BLTP2: variants seen among roughly 807,000 people sequenced by gnomAD.
BLTP2 encodes the protein U937-associated antigen.
chr17:28,638,938 A>G, the BLTP2 span: 1 of 427,078 alleles, frequency 2.3e-6, no homozygotes, highest in Non-Finnish European at 4.2e-6. Context: ...ATAACCAAGA[A>G]GCATCACTTC....
chr17:28,637,081 C>T, the BLTP2 span: 1 of 1,614,146 alleles, frequency 6.2e-7, no homozygotes, highest in South Asian at 1.1e-5. Context: ...ACTGATTTCA[C>T]CAGCGCTAAC....
At chr17:28,645,140 C>A in the BLTP2 span, 2 of 1,130,726 alleles carry the variant, frequency 1.8e-6, no homozygotes, top group South Asian at 2.4e-5. Context: ...CGCCGCGGGC[C>A]GACCAGCTGC....
the BLTP2 span, chr17:28,634,422 T>G: frequency 1.6e-6 from 2 of 1,240,596 alleles, no homozygotes; most frequent in Non-Finnish European, 2.3e-6. Context: ...AACGGCACAG[T>G]TCCCAATATA....
the BLTP2 span, chr17:28,617,212 A>C: frequency 8.7e-6 from 14 of 1,602,516 alleles, no homozygotes; most frequent in African/African-American, 8.0e-5. Flanking sequence ...ATGGACTAGG[A>C]AAGGGGAAAA....
At chr17:28,623,878 CA>C in the BLTP2 span, 3 of 1,613,922 alleles carry the variant, frequency 1.9e-6, no homozygotes, top group Non-Finnish European at 2.5e-6. Context: ...ATCACCATAC[CA>C]GGCTGGATGG....
the BLTP2 span, chr17:28,639,169 G>T: frequency 1.3e-6 from 1 of 787,248 alleles, no homozygotes; most frequent in East Asian, 2.4e-5. Flanking sequence ...TAATGGGAAA[G>T]ATATATAAAA....
the BLTP2 span, among the ~76,000 whole-genome samples, chr17:28,630,282 G>A: frequency 2.0e-5 from 3 of 151,562 alleles, no homozygotes; most frequent in African/African-American, 4.9e-5. Context: ...TCAGCCTCCC[G>A]AGTAGCTGGG....
chr17:28,641,242 G>A, the BLTP2 span, among the ~76,000 whole-genome samples: 8 of 152,074 alleles, frequency 5.3e-5, no homozygotes, highest in East Asian at 3.9e-4. Flanking sequence ...TTGTGGATGC[G>A]GAACACACAG....
chr17:28,641,256 T>C, the BLTP2 span, among the ~76,000 whole-genome samples: 3 of 152,158 alleles, frequency 2.0e-5, no homozygotes, highest in Admixed American at 6.5e-5. Flanking sequence ...CACACAGATA[T>C]GGAGAGCCAA....
the BLTP2 span, chr17:28,617,332 T>C: frequency 1.9e-6 from 3 of 1,601,800 alleles, no homozygotes; most frequent in Non-Finnish European, 1.7e-6. Flanking sequence ...TAAAGACAGA[T>C]TTTGCCCCAT....
chr17:28,635,613 T>TA, the BLTP2 span: 1 of 1,602,736 alleles, frequency 6.2e-7, no homozygotes, highest in Admixed American at 1.7e-5. Flanking sequence ...ACTGAACCTT[T>TA]AGGGAGCAGA....
the BLTP2 span, chr17:28,637,895 A>G: frequency 6.2e-7 from 1 of 1,614,194 alleles, no homozygotes; most frequent in South Asian, 1.1e-5. Context: ...CACCTTCCAC[A>G]GTAATGACAC....
the BLTP2 span, chr17:28,636,925 A>C: frequency 6.4e-7 from 1 of 1,559,994 alleles, no homozygotes; most frequent in Non-Finnish European, 8.8e-7. Context: ...TAAGCTGAGG[A>C]AAAAACCAGC....
At chr17:28,627,111 G>T in the BLTP2 span, among the ~76,000 whole-genome samples, 1 of 152,200 alleles carries the variant, frequency 6.6e-6, no homozygotes, top group South Asian at 2.1e-4. Context: ...TTGCTTATTG[G>T]TTGGGAAAAA....
the BLTP2 span, chr17:28,644,901 G>T: frequency 1.7e-6 from 2 of 1,165,600 alleles, no homozygotes; most frequent in Non-Finnish European, 2.5e-6. Flanking sequence ...TCAGTAAGGC[G>T]CGCGCCCCCT....
At chr17:28,620,754 T>C in the BLTP2 span, 4 of 1,129,582 alleles carry the variant, frequency 3.5e-6, no homozygotes, top group South Asian at 1.5e-5. Flanking sequence ...GAGTTGCTCA[T>C]GGGCAGAAAC....
chr17:28,628,118 G>A, the BLTP2 span: 21 of 679,618 alleles, frequency 3.1e-5, no homozygotes, highest in Non-Finnish European at 4.7e-5. Flanking sequence ...TAATATGTAA[G>A]ACTTAGGTGG....
At chr17:28,644,228 AT>A in the BLTP2 span, 16 of 1,601,882 alleles carry the variant, frequency 1.0e-5, no homozygotes, top group Non-Finnish European at 1.2e-5. Flanking sequence ...CCTTTTTCCA[AT>A]GATGGTTTCC....
At chr17:28,639,849 G>A in the BLTP2 span, 8 of 1,606,100 alleles carry the variant, frequency 5.0e-6, no homozygotes, top group African/African-American at 1.3e-5. Flanking sequence ...TGAGCAAAGA[G>A]AGTATCTAGT....
Sources: allele counts gnomAD v4.1 joint callset (sites outside exome capture counted in the v4.1 genomes callset), GRCh38; gene constraint gnomAD v4.1.1; transcripts MANE v1.5; gene names NCBI Gene and HGNC (gene_info 2026-07-23, HGNC 2026-07-21).